PTPRD: variants seen among roughly 807,000 people sequenced by gnomAD.
The protein encoded by PTPRD is receptor-type tyrosine-protein phosphatase delta.
Under a neutral mutation model 214.5 loss-of-function variants are expected in PTPRD, and 34 were observed. That is an observed-to-expected ratio of 0.16 (90% confidence interval 0.12 to 0.21). The LOEUF (loss-of-function observed/expected upper bound fraction) is 0.21, where lower values mean the gene tolerates loss of function less well. Among genes scored for constraint, PTPRD ranks in the 10% least tolerant of loss-of-function variants. The pLI, the probability that PTPRD is intolerant of heterozygous loss-of-function variation, is 1.00. For missense variants in PTPRD, 2,545 were observed against 2,398.7 expected (o/e 1.06, Z -1.27); for synonymous variants, 1,128 against 845.7 (o/e 1.33, Z -5.79).
At chr9:10,523,861 T>C (rs1021746159) in intron 2 of PTPRD, among the ~76,000 whole-genome samples, 13 of 151,836 alleles carry the variant, frequency 8.6e-5, no homozygotes, top group Non-Finnish European at 1.6e-4. Flanking sequence ...AAAACTTTTA[T>C]CATTTAATTA....
intron 6 of PTPRD, among the ~76,000 whole-genome samples, chr9:9,749,264 G>A (rs1296777376): frequency 6.6e-6 from 1 of 152,164 alleles, no homozygotes; most frequent in African/African-American, 2.4e-5. Flanking sequence ...GAGGCATTTG[G>A]TTGTTCAGCT....
chr9:8,338,875 A>G (rs2132209834), intron 43 of PTPRD, 47 bp downstream of exon 43: 2 of 998,880 alleles, frequency 2.0e-6, no homozygotes, highest in Middle Eastern at 5.0e-4. Flanking sequence ...GGTATCTTAG[A>G]CTACTTTTCA....
At chr9:8,940,166 T>G (rs1332537576) in intron 11 of PTPRD, among the ~76,000 whole-genome samples, 1 of 151,752 alleles carries the variant, frequency 6.6e-6, no homozygotes, top group East Asian at 1.9e-4. Context: ...GGCTCTGAAC[T>G]CAGTCTTCAG....
At chr9:8,698,260 C>T (rs2154390433) in intron 12 of PTPRD, among the ~76,000 whole-genome samples, 1 of 152,328 alleles carries the variant, frequency 6.6e-6, no homozygotes. Context: ...CAGTGCTTTA[C>T]TTACACTGTC....
At chr9:9,899,601 T>C (rs1038318305) in intron 5 of PTPRD, among the ~76,000 whole-genome samples, 8 of 151,946 alleles carry the variant, frequency 5.3e-5, no homozygotes, top group Non-Finnish European at 1.0e-4. Context: ...ACTCTTGGTG[T>C]AATTTAAGTT....
intron 8 of PTPRD, among the ~76,000 whole-genome samples, chr9:9,410,029 T>C (rs1277454848): frequency 6.6e-6 from 1 of 152,204 alleles, no homozygotes; most frequent in African/African-American, 2.4e-5. Flanking sequence ...ATAAATGTTT[T>C]ATCAAACACA....
intron 11 of PTPRD, among the ~76,000 whole-genome samples, chr9:9,017,810 T>C (rs72692856): frequency 6.6e-6 from 1 of 152,274 alleles, no homozygotes; most frequent in Non-Finnish European, 1.5e-5. Context: ...ATTACGTAAA[T>C]TGTCAAATAA....
intron 35 of PTPRD, among the ~76,000 whole-genome samples, chr9:8,433,694 G>C (rs1238544683): frequency 6.6e-6 from 1 of 152,158 alleles, no homozygotes; most frequent in Non-Finnish European, 1.5e-5. Context: ...TTTTTGTATA[G>C]CTGTACAGTG....
Position 8,973,171 on chromosome 9 carries a change from G to A in PTPRD, c.-104+45526C>T, listed in dbSNP as rs555057127. Reference sequence around the variant, plus strand: ...GATGAATATATTGGACCCAGGGTGTGAGCATAATACTCAATAGGTAGTTTT... The same window carrying A: ...GATGAATATATTGGACCCAGGGTGTAAGCATAATACTCAATAGGTAGTTTT... On this transcript the variant is annotated intron_variant, in intron 11 of 45. Transcript: ENST00000381196. Among the ~76,000 whole-genome samples, 82 of 152,030 alleles carry A rather than the reference G, an allele frequency of 5.4e-4. 1 individual carries two copies. Among genetic ancestry groups the A allele is most frequent in the African/African-American group, 2.0e-3 (81 of 41,520 alleles).
intron 11 of PTPRD, among the ~76,000 whole-genome samples, chr9:8,770,054 G>C (rs750613168): frequency 2.0e-5 from 3 of 152,156 alleles, no homozygotes; most frequent in African/African-American, 7.2e-5. Context: ...GCCGAGGCCG[G>C]TGGATCACCT....
intron 31 of PTPRD, among the ~76,000 whole-genome samples, chr9:8,468,813 A>AG (rs1005778868): frequency 6.6e-6 from 1 of 151,528 alleles, no homozygotes; most frequent in Non-Finnish European, 1.5e-5. Context: ...AAAAAAAAAA[A>AG]AAAACTCTCT....
chr9:9,898,326 T>C (rs1403433723), intron 5 of PTPRD, among the ~76,000 whole-genome samples: 8 of 152,070 alleles, frequency 5.3e-5, no homozygotes, highest in African/African-American at 1.9e-4. Flanking sequence ...GCCTATTTAA[T>C]GAAGGAGATA....
chr9:10,375,263 A>G (rs2097705598), intron 2 of PTPRD, among the ~76,000 whole-genome samples: 1 of 152,034 alleles, frequency 6.6e-6, no homozygotes, highest in Non-Finnish European at 1.5e-5. Context: ...GCTTAAAATT[A>G]TATACAGAAT....
At chr9:9,293,726 A>G (rs1952014069) in intron 9 of PTPRD, among the ~76,000 whole-genome samples, 1 of 151,578 alleles carries the variant, frequency 6.6e-6, no homozygotes, top group African/African-American at 2.4e-5. Context: ...GGCAATCAGA[A>G]CATGTTTCTA....
At chr9:8,900,501 A>T (rs1438817800) in intron 11 of PTPRD, among the ~76,000 whole-genome samples, 1 of 152,196 alleles carries the variant, frequency 6.6e-6, no homozygotes, top group Non-Finnish European at 1.5e-5. Context: ...TTTCAGAACT[A>T]CACTATTATT....
At chr9:9,229,581 T>C (rs550677948) in intron 9 of PTPRD, among the ~76,000 whole-genome samples, 21 of 152,216 alleles carry the variant, frequency 1.4e-4, no homozygotes, top group African/African-American at 4.8e-4. Context: ...CCTTTGACTA[T>C]TCAAATGGCT....
chr9:9,343,296 G>A (rs994334101), intron 9 of PTPRD, among the ~76,000 whole-genome samples: 9 of 152,116 alleles, frequency 5.9e-5, no homozygotes, highest in Admixed American at 2.0e-4. Context: ...GATCCTTGAA[G>A]AATCCCAACT....
chr9:10,500,848 G>T (rs934630614), intron 2 of PTPRD, among the ~76,000 whole-genome samples: 2 of 151,966 alleles, frequency 1.3e-5, no homozygotes, highest in Admixed American at 1.3e-4. Flanking sequence ...ATGACCTCCA[G>T]TTCCATCCAT....
chr9:10,282,819 T>G (rs554433126), intron 3 of PTPRD, among the ~76,000 whole-genome samples: 1 of 152,178 alleles, frequency 6.6e-6, no homozygotes, highest in Non-Finnish European at 1.5e-5. Flanking sequence ...AGATCAGAAG[T>G]AGCAAGAATC....
Sources: allele counts gnomAD v4.1 joint callset (sites outside exome capture counted in the v4.1 genomes callset), GRCh38; gene constraint gnomAD v4.1.1; transcripts MANE v1.5; gene names NCBI Gene and HGNC (gene_info 2026-07-23, HGNC 2026-07-21).